The following VPS37A variants were observed in gnomAD, a reference collection of about 807,000 sequenced individuals.
VPS37A encodes the protein vacuolar protein sorting-associated protein 37A.
A neutral mutation model predicts 49.8 loss-of-function variants in VPS37A; 30 were observed. The observed-to-expected ratio is 0.60, with a 90% CI of 0.45 to 0.82. The LOEUF (loss-of-function observed/expected upper bound fraction) is 0.82, where lower values mean the gene tolerates loss of function less well. VPS37A is among the 40% of genes least tolerant of loss of function. VPS37A has a pLI of 0.00. For synonymous variants in VPS37A, 195 were observed against 160.6 expected (o/e 1.21, Z -1.62); for missense variants, 593 against 464.4 (o/e 1.28, Z -2.55).
At position 17,280,356 on chromosome 8, in the gene VPS37A, T is replaced by A; in HGVS notation, c.901-19T>A. 1 of 1,602,390 alleles carries A rather than the reference T, an allele frequency of 6.2e-7. No homozygotes were observed. Among genetic ancestry groups the A allele is most frequent in the Non-Finnish European group, 8.5e-7 (1 of 1,176,312 alleles). ...AATTTAAAAATAGAATAAAACAACC[T>A]TTTCATTTTCTCTTTTAGTATGAAT... is the stretch of plus-strand genomic sequence containing the variant. On this transcript the variant is annotated intron_variant, in intron 8 of 11. Coordinates refer to ENST00000324849, the MANE Select transcript of VPS37A (RefSeq NM_152415.3).
chr8:17,257,006 CA>C (rs1412204666), intron 1 of VPS37A, among the ~76,000 whole-genome samples: 4 of 152,134 alleles, frequency 2.6e-5, no homozygotes, highest in Admixed American at 2.0e-4. Context: ...TTGCCTAGAA[CA>C]ATGTACTGAA....
Position 17,266,751 on chromosome 8 carries a change from T to C in VPS37A, c.200+770T>C, listed in dbSNP as rs552704858. On this transcript the variant is annotated intron_variant, in intron 2 of 11. Transcript: ENST00000324849. ...AAGCATGAATATATAAGTGCTGTGT[T>C]AACGATATATATGAGCTTTTTTATT... 2.0e-5 allele frequency among the ~76,000 whole-genome samples: 3 copies of C among 152,298 alleles called. No homozygotes were observed. The South Asian group carries it at 6.2e-4, about 32-fold the overall frequency.
chr8:17,256,808 A>ACGCC (rs1812511501), intron 1 of VPS37A, among the ~76,000 whole-genome samples: 4 of 151,882 alleles, frequency 2.6e-5, no homozygotes, highest in African/African-American at 7.2e-5. Flanking sequence ...ACTCACCACC[A>ACGCC]CACCCGGCTA....
downstream of VPS37A, chr8:17,300,220 A>C: frequency 6.2e-7 from 1 of 1,602,106 alleles, no homozygotes; most frequent in Non-Finnish European, 8.5e-7. Context: ...AATTTTTTCC[A>C]GCCTCTAAGA....
intron 9 of VPS37A, among the ~76,000 whole-genome samples, chr8:17,281,497 A>G (rs1234091746): frequency 6.6e-6 from 1 of 152,002 alleles, no homozygotes; most frequent in Non-Finnish European, 1.5e-5. Context: ...AAAAATAGAA[A>G]TTTCTTATTT....
chr8:17,303,249 C>G (rs1299340984), downstream of VPS37A, among the ~76,000 whole-genome samples: 3 of 152,154 alleles, frequency 2.0e-5, no homozygotes, highest in Non-Finnish European at 4.4e-5. Context: ...CTGGTCATAT[C>G]TCAACAGCTC....
At chr8:17,311,835 C>G in the VPS37A span, 1 of 707,726 alleles carries the variant, frequency 1.4e-6, no homozygotes, top group Non-Finnish European at 2.3e-6. Flanking sequence ...CTTTCCCTTC[C>G]CATTCTATCC....
downstream of VPS37A, chr8:17,299,385 C>T (rs1816947985): frequency 6.5e-6 from 1 of 153,944 alleles, no homozygotes; most frequent in Admixed American, 6.4e-5. Flanking sequence ...GTGCATCTCA[C>T]CAATGTGCCT....
chr8:17,321,589 G>A, the VPS37A span, among the ~76,000 whole-genome samples: 103 of 152,290 alleles, frequency 6.8e-4, no homozygotes, highest in Non-Finnish European at 1.1e-3. Context: ...AGCGATTAGC[G>A]CCTGGATTTT....
At chr8:17,328,366 A>G in the VPS37A span, among the ~76,000 whole-genome samples, 1 of 152,200 alleles carries the variant, frequency 6.6e-6, no homozygotes, top group African/African-American at 2.4e-5. Flanking sequence ...CTCTGCTGAT[A>G]ATAATAGGCT....
chr8:17,262,048 C>T (rs187572183), intron 1 of VPS37A, among the ~76,000 whole-genome samples: 2 of 152,236 alleles, frequency 1.3e-5, no homozygotes, highest in Admixed American at 1.3e-4. Context: ...CTCGATCTTA[C>T]TTTTTCCAGT....
chr8:17,331,408 A>G, the VPS37A span: 3 of 987,780 alleles, frequency 3.0e-6, no homozygotes, highest in African/African-American at 5.0e-5. Flanking sequence ...TAATACGCTT[A>G]TTTGAATCAC....
chr8:17,283,520 A>G lies in VPS37A; in HGVS notation c.970-953A>G, dbSNP rs147661128. 2.2e-3 allele frequency among the ~76,000 whole-genome samples: 342 copies of G among 152,306 alleles called. 2 individuals are homozygous for G. The highest frequency in any genetic ancestry group is 7.8e-3 in the African/African-American group (325 of 41,562). On this transcript the variant is annotated intron_variant, in intron 9 of 11. Transcript: ENST00000324849. The stretch of plus-strand genomic sequence containing the variant: ...TAGGTCTTTGATCCATTTGGAATCA[A>G]TTTTGTATTTAAGTAAGGTAAGGGT...
At chr8:17,264,318 G>C (rs1813250797) in intron 1 of VPS37A, among the ~76,000 whole-genome samples, 1 of 152,118 alleles carries the variant, frequency 6.6e-6, no homozygotes, top group Admixed American at 6.5e-5. Flanking sequence ...GACCTCTTCA[G>C]GTTCTAAAAT....
chr8:17,312,836 T>C, the VPS37A span, among the ~76,000 whole-genome samples: 32 of 152,228 alleles, frequency 2.1e-4, no homozygotes, highest in East Asian at 3.9e-4. Flanking sequence ...ACAAAAGACA[T>C]TGCATTCTAA....
chr8:17,313,170 G>C, the VPS37A span: 1 of 615,884 alleles, frequency 1.6e-6, no homozygotes, highest in Non-Finnish European at 2.8e-6. Flanking sequence ...GCTCTACAAA[G>C]CTGGCTATCC....
At chr8:17,322,629 G>A in the VPS37A span, among the ~76,000 whole-genome samples, 9 of 152,064 alleles carry the variant, frequency 5.9e-5, no homozygotes, top group African/African-American at 2.2e-4. Context: ...AGATCAACCT[G>A]GGTAATGTAG....
At chr8:17,300,022 T>C (rs180745155), downstream of VPS37A, 19 of 1,614,156 alleles carry the variant, frequency 1.2e-5, no homozygotes, top group East Asian at 4.0e-4. Context: ...TTTCAGATTG[T>C]CTTGGGTTAG....
chr8:17,311,660 G>A, the VPS37A span: 1 of 1,613,790 alleles, frequency 6.2e-7, no homozygotes, highest in Non-Finnish European at 8.5e-7. Context: ...GATCCGCAAA[G>A]AGTCACAAAG....
Sources: allele counts gnomAD v4.1 joint callset (sites outside exome capture counted in the v4.1 genomes callset), GRCh38; gene constraint gnomAD v4.1.1; transcripts MANE v1.5; gene names NCBI Gene and HGNC (gene_info 2026-07-23, HGNC 2026-07-21).